Variants in DPF3 observed in about 807,000 individuals in gnomAD.
The protein encoded by DPF3 is zinc finger protein DPF3.
Under a neutral mutation model 56.8 loss-of-function variants are expected in DPF3, and 18 were observed. The observed-to-expected ratio is 0.32, with a 90% CI of 0.22 to 0.47. The LOEUF (loss-of-function observed/expected upper bound fraction) is 0.47, where lower values mean the gene tolerates loss of function less well. DPF3 is among the 20% of genes least tolerant of loss of function. The pLI is 1.00. For missense variants in DPF3, 403 were observed against 488.8 expected (o/e 0.82, Z 1.65); for synonymous variants, 188 against 180.2 (o/e 1.04, Z -0.35).
intron 1 of DPF3, among the ~76,000 whole-genome samples, chr14:72,876,869 C>T (rs11626844): frequency 0.22 from 33,922 of 152,216 alleles, 5,027 homozygotes; most frequent in Non-Finnish European, 0.32. Context: ...TGGAACCTCA[C>T]GTGAAGCAGC....
chr14:72,678,052 A>G (rs1323999856), intron 7 of DPF3, among the ~76,000 whole-genome samples: 1 of 152,308 alleles, frequency 6.6e-6, no homozygotes, highest in Middle Eastern at 3.4e-3. Context: ...TGCTTTATAT[A>G]TGTTATTTCA....
At chr14:72,850,334 T>C (rs1000026477) in intron 1 of DPF3, among the ~76,000 whole-genome samples, 1 of 152,012 alleles carries the variant, frequency 6.6e-6, no homozygotes, top group African/African-American at 2.4e-5. Context: ...CAACTCCCTA[T>C]TCTTCGTCTC....
intron 9 of DPF3, among the ~76,000 whole-genome samples, chr14:72,620,912 G>A (rs1009081592): frequency 5.3e-5 from 8 of 152,186 alleles, no homozygotes; most frequent in South Asian, 2.1e-4. Context: ...AGGCCAAGGC[G>A]CGTGGTTCAC....
rs1190996130 is a variant in DPF3, at chr14:72,612,643, A to G, written c.*6654T>C. 1.9e-6 allele frequency: 1 copy of G among 518,388 alleles called. No individual in the cohort carries two copies. Among genetic ancestry groups the G allele is most frequent in the Non-Finnish European group, 3.9e-6 (1 of 259,432 alleles). 32.1% of individuals were successfully genotyped at this position (518,388 alleles called of 1,614,324 possible). A position where few individuals can be genotyped will look rare whatever the true frequency, so the allele number is the denominator to read the frequency against. On this transcript the variant is annotated 3_prime_UTR_variant, in exon 11 of 11. Coordinates refer to ENST00000556509, the MANE Select transcript of DPF3 (RefSeq NM_001280542.3). ...ATCAGGGTCTCAGTGGGGAGTAGAC[A>G]TGGAAGGGCAAACCAAGTCCGTATA... is the stretch of plus-strand genomic sequence containing the variant.
chr14:72,744,445 T>C (rs1422152615), intron 3 of DPF3, among the ~76,000 whole-genome samples: 1 of 151,744 alleles, frequency 6.6e-6, no homozygotes, highest in Non-Finnish European at 1.5e-5. Flanking sequence ...GGCTAATTTT[T>C]GTATTTTTTG....
At chr14:72,854,667 C>T (rs1885110800) in intron 1 of DPF3, among the ~76,000 whole-genome samples, 1 of 152,166 alleles carries the variant, frequency 6.6e-6, no homozygotes, top group South Asian at 2.1e-4. Flanking sequence ...GCTTGGAATT[C>T]GAAAGGAGTG....
intron 8 of DPF3, among the ~76,000 whole-genome samples, chr14:72,648,651 G>A (rs1015699994): frequency 6.0e-5 from 9 of 150,968 alleles, no homozygotes; most frequent in Non-Finnish European, 4.4e-5. Context: ...GTATCCCTAC[G>A]CTTGTCTCCC....
chr14:72,840,680 C>A (rs1316820923), intron 1 of DPF3, among the ~76,000 whole-genome samples: 1 of 152,182 alleles, frequency 6.6e-6, no homozygotes, highest in Non-Finnish European at 1.5e-5. Context: ...TGTTATAATT[C>A]ATGATATAAA....
At chr14:72,630,389 G>A (rs1646909156) in intron 8 of DPF3, among the ~76,000 whole-genome samples, 1 of 152,170 alleles carries the variant, frequency 6.6e-6, no homozygotes, top group South Asian at 2.1e-4. Context: ...AAATGGCCAG[G>A]TCTATCCTAA....
intron 7 of DPF3, among the ~76,000 whole-genome samples, chr14:72,683,778 G>T (rs1251597053): frequency 6.6e-6 from 1 of 152,124 alleles, no homozygotes; most frequent in Non-Finnish European, 1.5e-5. Context: ...ATAGATCCAG[G>T]GTACAGCCTG....
chr14:72,698,460 C>T (rs1888007080), intron 6 of DPF3, among the ~76,000 whole-genome samples: 1 of 152,194 alleles, frequency 6.6e-6, no homozygotes. Flanking sequence ...GGGAGGATCC[C>T]TTGTGCCCAG....
At chr14:72,838,660 G>A (rs886528792) in intron 1 of DPF3, among the ~76,000 whole-genome samples, 7 of 151,984 alleles carry the variant, frequency 4.6e-5, no homozygotes, top group African/African-American at 1.7e-4. Flanking sequence ...GGGAGGCTGA[G>A]GCAGGAGAAT....
chr14:72,662,871 C>A (rs1292106905), intron 8 of DPF3: 2 of 973,600 alleles, frequency 2.1e-6, no homozygotes, highest in East Asian at 1.1e-4. Context: ...AAACAAAAAA[C>A]AACAGCATGG....
chr14:72,809,570 G>C (rs1020303955), intron 1 of DPF3, among the ~76,000 whole-genome samples: 2 of 152,234 alleles, frequency 1.3e-5, no homozygotes, highest in Admixed American at 1.3e-4. Flanking sequence ...GGTCACACCT[G>C]CCCTTCCTTT....
intron 3 of DPF3, among the ~76,000 whole-genome samples, chr14:72,740,465 T>A (rs1350632079): frequency 6.6e-6 from 1 of 152,118 alleles, no homozygotes; most frequent in East Asian, 1.9e-4. Context: ...TCTGTCCTCA[T>A]GGTACTAATA....
intron 1 of DPF3, among the ~76,000 whole-genome samples, chr14:72,825,790 A>G (rs1284791339): frequency 1.3e-5 from 2 of 149,892 alleles, no homozygotes; most frequent in African/African-American, 2.4e-5. Context: ...ATCTACATAC[A>G]CAGTACCCTG....
intron 7 of DPF3, among the ~76,000 whole-genome samples, chr14:72,682,868 C>A (rs1039434029): frequency 4.6e-5 from 7 of 152,184 alleles, no homozygotes; most frequent in Non-Finnish European, 1.0e-4. Context: ...GAGCAAAAAC[C>A]AAGGCTGCCC....
At chr14:72,641,906 CTA>C (rs1399785913) in intron 8 of DPF3, among the ~76,000 whole-genome samples, 34 of 152,326 alleles carry the variant, frequency 2.2e-4, no homozygotes, top group African/African-American at 7.2e-4. Flanking sequence ...CACTCTGTCT[CTA>C]TGTCTCTGTC....
chr14:72,817,077 C>G (rs2140027804), intron 1 of DPF3, among the ~76,000 whole-genome samples: 1 of 152,284 alleles, frequency 6.6e-6, no homozygotes, highest in South Asian at 2.1e-4. Context: ...TGCAAAAGCA[C>G]CACTCCAATC....
Sources: gnomAD v4.1 joint callset for allele counts (sites outside exome capture counted in the v4.1 genomes callset) on GRCh38, gnomAD v4.1.1 for gene constraint, MANE v1.5 for transcripts, NCBI Gene and HGNC (gene_info 2026-07-23, HGNC 2026-07-21) for gene names.